SUSD4: variants seen among roughly 807,000 people sequenced by gnomAD.
SUSD4 encodes sushi domain containing 4, also known as sushi domain-containing protein 4.
In SUSD4, 41 loss-of-function variants were observed where a neutral mutation model predicts 50.5. That is an observed-to-expected ratio of 0.81 (90% CI 0.63 to 1.05). The LOEUF (loss-of-function observed/expected upper bound fraction) is 1.05. Ranked by LOEUF, SUSD4 falls within the 50% of genes least tolerant of loss-of-function variation. SUSD4 has a pLI of 0.00. For synonymous variants in SUSD4, 257 were observed against 257.3 expected (o/e 1.00, Z 0.01); for missense variants, 580 against 634.7 (o/e 0.91, Z 0.93).
chr1:223,319,562 C>G (rs997041679), intron 2 of SUSD4, among the ~76,000 whole-genome samples: 3 of 152,188 alleles, frequency 2.0e-5, no homozygotes, highest in Admixed American at 2.0e-4. Flanking sequence ...CCTTAATCCA[C>G]TCCTGGGTCA....
At chr1:223,320,738 T>A (rs941901351) in intron 2 of SUSD4, among the ~76,000 whole-genome samples, 5 of 152,110 alleles carry the variant, frequency 3.3e-5, no homozygotes, top group African/African-American at 1.2e-4. Flanking sequence ...GTTACAAAAG[T>A]ATGTTTTCTT....
chr1:223,242,332 G>C (rs753929284), intron 5 of SUSD4, among the ~76,000 whole-genome samples: 14 of 152,208 alleles, frequency 9.2e-5, no homozygotes, highest in Non-Finnish European at 1.6e-4. Context: ...AGCCTCTCCA[G>C]TGTTGTGGCA....
At chr1:223,308,549 T>C (rs1665686870) in intron 2 of SUSD4, among the ~76,000 whole-genome samples, 1 of 152,184 alleles carries the variant, frequency 6.6e-6, no homozygotes, top group Admixed American at 6.5e-5. Context: ...AATGGCCTAA[T>C]ACATTAAGAA....
At chr1:223,234,097 TG>T (rs1457717868) in intron 5 of SUSD4, among the ~76,000 whole-genome samples, 1 of 152,216 alleles carries the variant, frequency 6.6e-6, no homozygotes, top group Non-Finnish European at 1.5e-5. Flanking sequence ...TAGTCTCTTG[TG>T]GAACTTCCCA....
At chr1:223,363,892 A>T (rs1343269793) in intron 1 of SUSD4, 165 bp downstream of exon 1, 1 of 152,146 alleles carries the variant, frequency 6.6e-6, no homozygotes, top group Non-Finnish European at 1.5e-5. Context: ...TTTCCTCGGG[A>T]TTGGGATCGA....
chr1:223,304,504 T>C (rs1665394723), intron 2 of SUSD4, among the ~76,000 whole-genome samples: 1 of 152,018 alleles, frequency 6.6e-6, no homozygotes, highest in Non-Finnish European at 1.5e-5. Context: ...ACACCCTGCA[T>C]GGTAACGGTG....
intron 2 of SUSD4, among the ~76,000 whole-genome samples, chr1:223,322,284 TAG>T (rs1666617989): frequency 6.6e-6 from 1 of 152,194 alleles, no homozygotes; most frequent in East Asian, 1.9e-4. Context: ...AAACTTTGGT[TAG>T]AGATTAGTAA....
At chr1:223,249,411 G>A (rs1661156077) in intron 5 of SUSD4, among the ~76,000 whole-genome samples, 2 of 152,174 alleles carry the variant, frequency 1.3e-5, no homozygotes, top group Admixed American at 1.3e-4. Context: ...CTGGACCAAA[G>A]TGCCACACAG....
At chr1:223,310,949 C>G (rs1223000018) in intron 2 of SUSD4, among the ~76,000 whole-genome samples, 2 of 152,044 alleles carry the variant, frequency 1.3e-5, no homozygotes, top group Non-Finnish European at 1.5e-5. Flanking sequence ...CCCTTTAGTG[C>G]CCCCTCTAAA....
At chr1:223,321,410 G>A (rs1666564944) in intron 2 of SUSD4, among the ~76,000 whole-genome samples, 1 of 152,230 alleles carries the variant, frequency 6.6e-6, no homozygotes, top group Non-Finnish European at 1.5e-5. Flanking sequence ...GGCCAGGGCT[G>A]TTACGAGGTT....
intron 2 of SUSD4, among the ~76,000 whole-genome samples, chr1:223,306,962 TG>T (rs538837690): frequency 1.7e-3 from 256 of 149,188 alleles, no homozygotes; most frequent in Non-Finnish European, 2.6e-3. Flanking sequence ...TTTTTTTTTT[TG>T]GGGGGGGGTG....
At chr1:223,282,616 T>C (rs2103120275) in intron 3 of SUSD4, among the ~76,000 whole-genome samples, 1 of 152,330 alleles carries the variant, frequency 6.6e-6, no homozygotes, top group South Asian at 2.1e-4. Flanking sequence ...AAGAACATTC[T>C]ATGCTCATGG....
At position 223,231,192 on chromosome 1, in the gene SUSD4, G is replaced by A. The variant is rs1659874277; in HGVS notation, c.725-1804C>T. ...TGTCCCCAGGGCAGGAACAGTGAGG[G>A]AGAAGTAGCCTGGTTCTCCACCTGC... On this transcript the variant is annotated intron_variant, in intron 5 of 8. Transcript: ENST00000366878. This position sits in a 1 kb window ranked among gnomAD's most constrained non-coding sequence, Gnocchi z 4.2. Among the ~76,000 whole-genome samples the A allele has an allele frequency of 6.6e-6, 1 of 152,152 alleles. No homozygotes were observed.
Position 223,229,113 on chromosome 1 carries a change from A to G in SUSD4, c.916+84T>C, listed in dbSNP as rs1417492451. The G allele has an allele frequency of 2.2e-6, 3 of 1,357,248 alleles. No individual in the cohort carries two copies. The highest frequency in any genetic ancestry group is 4.7e-5 in the East Asian group (2 of 42,814). 84.1% of individuals were successfully genotyped at this position (1,357,248 alleles called of 1,614,324 possible). On this transcript the variant is annotated intron_variant, in intron 6 of 8. Coordinates refer to ENST00000366878, the MANE Select transcript of SUSD4 (RefSeq NM_017982.4). This position sits in a 1 kb window ranked among gnomAD's most constrained non-coding sequence, Gnocchi z 4.7. ...ACACTGGGTGGGGGAGGAGAGATAC[A>G]GCTTGGTACATAACCACCACCCACT...
intron 3 of SUSD4, among the ~76,000 whole-genome samples, chr1:223,288,572 T>G (rs370945401): frequency 1.3e-5 from 2 of 152,288 alleles, no homozygotes; most frequent in African/African-American, 4.8e-5. Context: ...TACTTGGTTC[T>G]CTATATAAGA....
intron 2 of SUSD4, 147 bp from the exon 3 acceptor site, chr1:223,292,798 CACATTCT>C: frequency 1.2e-6 from 1 of 802,652 alleles, no homozygotes; most frequent in Non-Finnish European, 2.0e-6. Context: ...CATTTTAGTG[CACATTCT>C]ACTCTGCTTT....
chr1:223,351,587 G>A (rs1668368412), intron 2 of SUSD4, among the ~76,000 whole-genome samples: 1 of 152,150 alleles, frequency 6.6e-6, no homozygotes, highest in Non-Finnish European at 1.5e-5. Context: ...GATGGAAGCT[G>A]ACAGAGGGGC....
chr1:223,363,186 A>T, intron 2 of SUSD4, 92 bp downstream of exon 2: 1 of 1,333,462 alleles, frequency 7.5e-7, no homozygotes, highest in Non-Finnish European at 9.8e-7. Flanking sequence ...GTCTGGGTGT[A>T]TGGGGGAGGG....
intron 7 of SUSD4, among the ~76,000 whole-genome samples, chr1:223,225,830 T>C (rs760353925): frequency 1.3e-5 from 2 of 152,070 alleles, no homozygotes; most frequent in African/African-American, 2.4e-5. Flanking sequence ...TCAGCTCCCA[T>C]ACACCCCTCG....
Sources: allele counts gnomAD v4.1 joint callset (sites outside exome capture counted in the v4.1 genomes callset), GRCh38; gene constraint gnomAD v4.1.1; non-coding constraint Gnocchi (gnomAD v3.1); transcripts MANE v1.5; gene names NCBI Gene and HGNC (gene_info 2026-07-23, HGNC 2026-07-21).